The following IL4I1 variants were observed in gnomAD, a reference collection of about 807,000 sequenced individuals.
IL4I1 encodes the protein L-amino-acid oxidase.
A neutral mutation model predicts 29.7 loss-of-function variants in IL4I1; 24 were observed. The observed-to-expected ratio is 0.81, with a 90% CI of 0.59 to 1.14. The LOEUF (loss-of-function observed/expected upper bound fraction) is 1.14, where lower values mean the gene tolerates loss of function less well. Among genes scored for constraint, IL4I1 ranks in the 50% most tolerant of loss-of-function variants. The pLI, the probability that IL4I1 is intolerant of heterozygous loss-of-function variation, is 0.00. For synonymous variants in IL4I1, 371 were observed against 352.5 expected (o/e 1.05, Z -0.59); for missense variants, 686 against 785.6 (o/e 0.87, Z 1.52).
chr19:49,896,186 G>T lies in IL4I1; in HGVS notation c.-22-4C>A. The T allele has an allele frequency of 6.7e-7, 1 of 1,484,198 alleles. No homozygotes were observed. The highest frequency in any genetic ancestry group is 2.5e-5 in the East Asian group (1 of 40,702). 91.9% of individuals were successfully genotyped at this position (1,484,198 alleles called of 1,614,324 possible). A position where few individuals can be genotyped will look rare whatever the true frequency, so the allele number is the denominator to read the frequency against. ...GACTCTCGGTGGGAGATGGTGTCTG[G>T]GGTGGAGGAGAAGGGAGGGCTGTTG... On this transcript the variant is annotated splice_region_variant and splice_polypyrimidine_tract_variant and intron_variant, in intron 1 of 7. Transcript: ENST00000391826.
chr19:49,891,273 C>T, intron 6 of IL4I1, 132 bp downstream of exon 6: 1 of 1,412,362 alleles, frequency 7.1e-7, no homozygotes, highest in East Asian at 2.3e-5. Context: ...GGGGGCGTGT[C>T]CAGCCCCCGG....
chr19:49,918,169 T>C (rs555493011), intron 2 of IL4I1, among the ~76,000 whole-genome samples: 2 of 151,978 alleles, frequency 1.3e-5, no homozygotes, highest in East Asian at 3.9e-4. Flanking sequence ...TGGGCTCAAA[T>C]GATTCTCCTG....
At chr19:49,895,750 T>C in intron 3 of IL4I1, 65 bp downstream of exon 3, 4 of 887,696 alleles carry the variant, frequency 4.5e-6, no homozygotes, top group Non-Finnish European at 6.9e-6. Context: ...GCCGTGTCCC[T>C]GTGCCCAGGG....
At chr19:49,890,750 A>G in intron 7 of IL4I1, 150 bp from the exon 8 acceptor site, 1 of 799,462 alleles carries the variant, frequency 1.3e-6, no homozygotes, top group Admixed American at 3.1e-5. Context: ...CGTCCCTGAC[A>G]TCCCAAAGGC....
At chr19:49,922,151 T>C (rs1600550820) in intron 2 of IL4I1, among the ~76,000 whole-genome samples, 1 of 152,238 alleles carries the variant, frequency 6.6e-6, no homozygotes, top group African/African-American at 2.4e-5. Flanking sequence ...CTCCCTTTGC[T>C]TCTCAGGCTC....
At chr19:49,895,016 G>A (rs1209696955) in intron 4 of IL4I1, 52 bp downstream of exon 4, 19 of 1,395,588 alleles carry the variant, frequency 1.4e-5, no homozygotes, top group Non-Finnish European at 1.9e-5. Flanking sequence ...TGGGCATGGA[G>A]CTGGGGGGCT....
chr19:49,896,490 A>C (rs2122533551), intron 1 of IL4I1, among the ~76,000 whole-genome samples: 1 of 150,658 alleles, frequency 6.6e-6, no homozygotes, highest in Admixed American at 6.6e-5. Context: ...GCTGGAGTGC[A>C]GTGGTAAGAT....
In IL4I1 at chr19:49,890,437, G is replaced by A; in HGVS notation, c.937C>T (p.Leu313=). The change falls in exon 8 of 8, where the codon CTG becomes TTG. Residue 313 remains leucine (L), a synonymous_variant. Coordinates refer to ENST00000391826, the MANE Select transcript of IL4I1 (RefSeq NM_152899.2). ...GTCAGCAGCACCACGTCGGCCTTCA[G>A]CACCTTCAGATTCCGCGCCGGGGGA... is the stretch of plus-strand genomic sequence containing the variant. ...TSPPARNLKV[L]KADVVLLTAS... 6.2e-7 allele frequency: 1 copy of A among 1,611,290 alleles called. No individual in the cohort carries two copies. Among genetic ancestry groups the A allele is most frequent in the South Asian group, 1.1e-5 (1 of 91,068 alleles).
intron 5 of IL4I1, among the ~76,000 whole-genome samples, chr19:49,893,119 G>A (rs1354005257): frequency 6.6e-6 from 1 of 152,158 alleles, no homozygotes; most frequent in East Asian, 1.9e-4. Context: ...GGTGCAGAAG[G>A]GAAGGCCAGT....
chr19:49,912,155 T>A (rs1046935009), intron 2 of IL4I1, among the ~76,000 whole-genome samples: 1 of 149,914 alleles, frequency 6.7e-6, no homozygotes, highest in Non-Finnish European at 1.5e-5. Context: ...TTGTCTGGCT[T>A]AACAGTTCAC....
rs372597263 is a variant in IL4I1, at chr19:49,908,487, C to T, written c.-227-4166G>A. The T allele has an allele frequency of 1.3e-5, 21 of 1,614,008 alleles. No homozygotes were observed. Among genetic ancestry groups the T allele is most frequent in the African/African-American group, 5.3e-5 (4 of 74,926 alleles). On this transcript the variant is annotated intron_variant, in intron 2 of 9. Transcript: ENST00000341114. ...TGGGCCATGCGCTTGAGCTGTGCAT[C>T]GATGTTCTCAGCCAGCTTGTAGGTT... is the stretch of plus-strand genomic sequence containing the variant.
chr19:49,927,406 A>G (rs1309660334), intron 2 of IL4I1, among the ~76,000 whole-genome samples: 1 of 152,128 alleles, frequency 6.6e-6, no homozygotes, highest in Non-Finnish European at 1.5e-5. Context: ...AAAATCGCAA[A>G]AAATTCGCAT....
chr19:49,924,454 TC>T (rs2075836686), intron 2 of IL4I1, among the ~76,000 whole-genome samples: 1 of 151,872 alleles, frequency 6.6e-6, no homozygotes, highest in Non-Finnish European at 1.5e-5. Flanking sequence ...ATCCCCGAAC[TC>T]CCCGTCCCCG....
rs181535038 is a variant in IL4I1, at chr19:49,926,789, C to A, written c.-228+905G>T. Among the ~76,000 whole-genome samples, 297 of 151,970 alleles carry A rather than the reference C, an allele frequency of 2.0e-3. 1 individual carries two copies. The highest frequency in any genetic ancestry group is 0.011 in the South Asian group (53 of 4,814). Reference sequence around the variant, plus strand: ...TATGCAGCACCTACTGTGTCCCAGGCGTTAGTCTAACTGCTCGACACGGAT... The same window carrying A: ...TATGCAGCACCTACTGTGTCCCAGGAGTTAGTCTAACTGCTCGACACGGAT... On this transcript the variant is annotated intron_variant, in intron 2 of 9. Transcript: ENST00000341114.
chr19:49,918,174 C>T (rs2075673381), intron 2 of IL4I1, among the ~76,000 whole-genome samples: 1 of 151,618 alleles, frequency 6.6e-6, no homozygotes, highest in African/African-American at 2.4e-5. Context: ...TCAAATGATT[C>T]TCCTGCCCTA....
rs16981522 is a variant in IL4I1, at chr19:49,896,837, C to G, written c.-25G>C. 1 of 986,150 alleles carries G rather than the reference C, an allele frequency of 1.0e-6. No homozygotes were observed. The highest frequency in any genetic ancestry group is 1.2e-6 in the Non-Finnish European group (1 of 830,562). 61.1% of individuals were successfully genotyped at this position (986,150 alleles called of 1,614,324 possible). ...CCCACCACTGGCCGTGTCACTACCT[C>G]CAGCTCTTGGTGACAGCAGGACAGC... On this transcript the variant is annotated splice_region_variant and 5_prime_UTR_variant, in exon 1 of 8. Coordinates refer to ENST00000391826, the MANE Select transcript of IL4I1 (RefSeq NM_152899.2).
At chr19:49,893,985 C>CAA (rs996597872) in intron 5 of IL4I1, among the ~76,000 whole-genome samples, 1,613 of 19,600 alleles carry the variant, frequency 0.082, 151 homozygotes, top group East Asian at 0.19. Flanking sequence ...GACTCCATCT[C>CAA]AAAAAAAAAA....
At position 49,921,036 on chromosome 19, in the gene IL4I1, T is replaced by A. The variant is rs283522; in HGVS notation, c.-228+6658A>T. ...AAGATGGGGGCAGGGTGGCTTTCAT[T>A]ATGAGAACTGGAAGCAAACACAGCC... is the stretch of plus-strand genomic sequence containing the variant. On this transcript the variant is annotated intron_variant, in intron 2 of 9. Coordinates refer to the IL4I1 transcript ENST00000341114. The surrounding 1 kb of genome is among the most constrained non-coding windows in gnomAD (Gnocchi z 5.4). 2.3e-3 allele frequency among the ~76,000 whole-genome samples: 345 copies of A among 152,180 alleles called. 2 individuals carry two copies. The highest frequency in any genetic ancestry group is 7.3e-3 in the African/African-American group (304 of 41,514).
intron 4 of IL4I1, 65 bp from the exon 5 acceptor site, chr19:49,894,534 C>G: frequency 1.0e-5 from 7 of 668,574 alleles, no homozygotes; most frequent in African/African-American, 2.5e-5. Flanking sequence ...CCTAGTGGGA[C>G]TTGGAGAAGA....
Sources: gnomAD v4.1 joint callset for allele counts (sites outside exome capture counted in the v4.1 genomes callset) on GRCh38, gnomAD v4.1.1 for gene constraint, Gnocchi (gnomAD v3.1) non-coding constraint, MANE v1.5 for transcripts, NCBI Gene and HGNC (gene_info 2026-07-23, HGNC 2026-07-21) for gene names.